Variants in EHF observed in about 807,000 individuals in gnomAD.
EHF encodes the protein ETS homologous factor, also known as ESE3 transcription factor.
In EHF, 14 loss-of-function variants were observed where a neutral mutation model predicts 45.1. That is an observed-to-expected ratio of 0.31 (90% CI 0.21 to 0.49). EHF has a LOEUF of 0.49. Among genes scored for constraint, EHF ranks in the 20% least tolerant of loss-of-function variants. EHF has a pLI of 0.99. For synonymous variants in EHF, 136 were observed against 131.8 expected (o/e 1.03, Z -0.22); for missense variants, 282 against 371.4 (o/e 0.76, Z 1.98).
At chr11:34,643,612 C>T (rs1365447263) in intron 2 of EHF, among the ~76,000 whole-genome samples, 4 of 152,320 alleles carry the variant, frequency 2.6e-5, no homozygotes, top group African/African-American at 9.6e-5. Flanking sequence ...AGTGCTAATC[C>T]ATGTGGAGCT....
At chr11:34,646,989 T>C (rs535458267) in intron 3 of EHF, 2 of 439,204 alleles carry the variant, frequency 4.6e-6, no homozygotes, top group African/African-American at 4.1e-5. Flanking sequence ...GAAAATGTTT[T>C]CTTTCCTTTG....
At chr11:34,629,471 T>C (rs1231019980) in intron 1 of EHF, among the ~76,000 whole-genome samples, 1 of 152,250 alleles carries the variant, frequency 6.6e-6, no homozygotes, top group East Asian at 1.9e-4. Flanking sequence ...TGATTATCTC[T>C]ATAAAAGGAA....
At chr11:34,632,397 C>T in intron 1 of EHF, 4 of 1,327,022 alleles carry the variant, frequency 3.0e-6, no homozygotes, top group Admixed American at 2.8e-5. Context: ...ATGTTAACAA[C>T]CTGCTCCTGA....
In EHF at chr11:34,629,041, TGAGACTGG is replaced by T. The variant is rs996592817; in HGVS notation, c.-4+7817_-4+7824del. Among the ~76,000 whole-genome samples the T allele has an allele frequency of 8.1e-4, 123 of 152,340 alleles. 1 individual carries two copies. The highest frequency in any genetic ancestry group is 2.7e-3 in the African/African-American group (114 of 41,580). On this transcript the variant is annotated intron_variant, in intron 1 of 8. Coordinates refer to ENST00000257831, the MANE Select transcript of EHF (RefSeq NM_012153.6). ...GTGAAATGGAATGTATGACAACTCC[TGAGACTGG>T]GAGTCTGGGAAGCTGCTGCGGAGAG... is the stretch of plus-strand genomic sequence containing the variant.
Position 34,661,859 on chromosome 11 carries a change from T to C in EHF, c.*2928T>C, listed in dbSNP as rs535786061. ...CCTGAGTTGAAAGGGCTCTCTCTTA[T>C]TAGGTTTTCATGGGAACATGAGGCA... is the stretch of plus-strand genomic sequence containing the variant. On this transcript the variant is annotated 3_prime_UTR_variant, in exon 9 of 9. Coordinates refer to ENST00000257831, the MANE Select transcript of EHF (RefSeq NM_012153.6). 6.6e-6 allele frequency among the ~76,000 whole-genome samples: 1 copy of C among 152,124 alleles called. No individual in the cohort carries two copies. Among genetic ancestry groups the C allele is most frequent in the Non-Finnish European group, 1.5e-5 (1 of 68,004 alleles).
intron 1 of EHF, among the ~76,000 whole-genome samples, chr11:34,637,132 A>G (rs1237354834): frequency 6.6e-6 from 1 of 151,628 alleles, no homozygotes; most frequent in Non-Finnish European, 1.5e-5. Context: ...AGTGGGATTC[A>G]GTCTCTGTGG....
intron 5 of EHF, 26 bp from the exon 6 acceptor site, chr11:34,651,711 T>G (rs775465098): frequency 6.2e-7 from 1 of 1,613,718 alleles, no homozygotes; most frequent in Non-Finnish European, 8.5e-7. Context: ...GTGCTCTAAA[T>G]GTCCTTTATC....
At chr11:34,634,265 C>G (rs1410938536) in intron 1 of EHF, among the ~76,000 whole-genome samples, 1 of 152,112 alleles carries the variant, frequency 6.6e-6, no homozygotes, top group Non-Finnish European at 1.5e-5. Context: ...TAAGCTGTTG[C>G]AACATCCTTA....
chr11:34,627,367 T>A (rs1453759835), intron 1 of EHF, among the ~76,000 whole-genome samples: 3 of 152,130 alleles, frequency 2.0e-5, no homozygotes, highest in African/African-American at 4.8e-5. Flanking sequence ...TGTGTCCTGA[T>A]GCCTGGCAAG....
rs12721519 is a variant in EHF at position 34,649,059 on chromosome 11, C to T, written c.384C>T (p.Val128=). 1.2e-3 allele frequency: 1,888 copies of T among 1,614,008 alleles called. 18 individuals carry two copies. In the African/African-American group the frequency reaches 0.022, roughly 19 times the overall value. ...ACCTGTTCCAGTCCACACACAATGT[C>T]ATTGTCAAGACTGAACAAACTGGTG... ...SSDLFQSTHN[V]IVKTEQTEPS... Residue 128 remains valine, a synonymous_variant, in exon 4 of 9, where the codon GTC becomes GTT. Coordinates refer to ENST00000257831, the MANE Select transcript of EHF (RefSeq NM_012153.6).
chr11:34,654,147 C>T (rs544246006), intron 6 of EHF, among the ~76,000 whole-genome samples: 46 of 152,324 alleles, frequency 3.0e-4, no homozygotes, highest in African/African-American at 7.7e-4. Flanking sequence ...TTGCTTCTTG[C>T]GAAGCAGCTT....
rs142723571 is a variant in EHF, at chr11:34,640,253, G to A, written c.-3-2375G>A. 1.6e-3 allele frequency among the ~76,000 whole-genome samples: 241 copies of A among 152,238 alleles called. 1 individual carries two copies. Among genetic ancestry groups the A allele is most frequent in the African/African-American group, 5.4e-3 (226 of 41,546 alleles). On this transcript the variant is annotated intron_variant, in intron 1 of 8. Transcript: ENST00000257831. ...CAAAGCCTGGGTGCACAGCCTCCAC[G>A]CCACCCTGCTTTCTGCTTGTCAGGA...
chr11:34,625,493 G>A (rs762578177), intron 1 of EHF, among the ~76,000 whole-genome samples: 2 of 152,194 alleles, frequency 1.3e-5, no homozygotes, highest in Non-Finnish European at 2.9e-5. Flanking sequence ...TTACTGAGTA[G>A]ATCGAACGTA....
At chr11:34,630,277 A>G (rs1430886498) in intron 1 of EHF, among the ~76,000 whole-genome samples, 1 of 151,888 alleles carries the variant, frequency 6.6e-6, no homozygotes, top group East Asian at 2.0e-4. Flanking sequence ...ATTATAATAT[A>G]TCCAGTCCAT....
chr11:34,656,822 A>G (rs1855716989), intron 6 of EHF, 86 bp from the exon 7 acceptor site: 1 of 1,481,364 alleles, frequency 6.8e-7, no homozygotes, highest in Non-Finnish European at 9.2e-7. Context: ...GTGCTCAGTA[A>G]ATATTGTTTA....
At chr11:34,640,844 T>C (rs1853926935) in intron 1 of EHF, among the ~76,000 whole-genome samples, 1 of 152,178 alleles carries the variant, frequency 6.6e-6, no homozygotes, top group Admixed American at 6.5e-5. Context: ...ACAGAGCTAG[T>C]GACGCTCCTC....
Position 34,642,737 on chromosome 11 carries a change from C to A in EHF, c.97+10C>A, listed in dbSNP as rs757641129. ...TACTCCACGTGCAATGGTAAGAGGG[C>A]CTGTGGGTGTTGGTGTCACTGCTGT... On this transcript the variant is annotated intron_variant, in intron 2 of 8. Coordinates refer to ENST00000257831, the MANE Select transcript of EHF (RefSeq NM_012153.6). 3 of 1,603,448 alleles carry A rather than the reference C, an allele frequency of 1.9e-6. No homozygotes were observed. The highest frequency in any genetic ancestry group is 1.7e-6 in the Non-Finnish European group (2 of 1,170,456).
chr11:34,624,592 C>G (rs563763423), intron 1 of EHF, among the ~76,000 whole-genome samples: 1 of 152,134 alleles, frequency 6.6e-6, no homozygotes, highest in Non-Finnish European at 1.5e-5. Flanking sequence ...GTGCAGGAAA[C>G]AAACAGTGCA....
intron 7 of EHF, among the ~76,000 whole-genome samples, chr11:34,657,791 G>C (rs1024527532): frequency 2.6e-5 from 3 of 115,016 alleles, no homozygotes; most frequent in African/African-American, 9.7e-5. Context: ...TCCTGTCTCA[G>C]AAAAAAAAAA....
Sources: allele counts gnomAD v4.1 joint callset (sites outside exome capture counted in the v4.1 genomes callset), GRCh38; gene constraint gnomAD v4.1.1; transcripts MANE v1.5; gene names NCBI Gene and HGNC (gene_info 2026-07-23, HGNC 2026-07-21).